The following PHF2 variants were observed in gnomAD, a reference collection of about 807,000 sequenced individuals.
PHF2 encodes PHD finger protein 2, also known as lysine-specific demethylase PHF2.
Under a neutral mutation model 120.5 loss-of-function variants are expected in PHF2, and 27 were observed. The ratio of observed to expected loss-of-function variants is 0.22; its 90% CI spans 0.17 to 0.31. The LOEUF (loss-of-function observed/expected upper bound fraction) is 0.31, where lower values mean the gene tolerates loss of function less well. Among genes scored for constraint, PHF2 ranks in the 10% least tolerant of loss-of-function variants. The pLI is 1.00. For missense variants in PHF2, 1,024 were observed against 1,434.8 expected (o/e 0.71, Z 4.63); for synonymous variants, 568 against 592.5 (o/e 0.96, Z 0.60).
Position 93,593,791 on chromosome 9 carries a change from A to T in PHF2, c.98+16920A>T, listed in dbSNP as rs569880308. The stretch of plus-strand genomic sequence containing the variant: ...TCTTTATGATGATATTAAATGAAAC[A>T]CTACACACATAATGTGATGGCTGGT... On this transcript the variant is annotated intron_variant, in intron 1 of 21. Coordinates refer to ENST00000359246, the MANE Select transcript of PHF2 (RefSeq NM_005392.4). 1.4e-4 allele frequency among the ~76,000 whole-genome samples: 21 copies of T among 152,330 alleles called. No homozygotes were observed. The East Asian group carries it at 4.1e-3, about 29-fold the overall frequency.
intron 1 of PHF2, among the ~76,000 whole-genome samples, chr9:93,585,763 T>G (rs1345778356): frequency 6.6e-6 from 1 of 152,218 alleles, no homozygotes; most frequent in African/African-American, 2.4e-5. Context: ...AGCTTTGTGA[T>G]TTTGTCCCTT....
chr9:93,592,615 C>A (rs1055743234), intron 1 of PHF2, among the ~76,000 whole-genome samples: 1 of 152,090 alleles, frequency 6.6e-6, no homozygotes, highest in South Asian at 2.1e-4. Flanking sequence ...GGCTCTTTCC[C>A]GAGCCAAAGC....
Position 93,576,666 on chromosome 9 carries a change from C to T in PHF2, c.-108C>T, listed in dbSNP as rs1174149558. ...CCGTCCCCTCCCGGCCGCGGCGCCGCCTGCGCCCCGCCGCCCCCGCCGCCC... is the reference window on the plus strand; with the variant it reads ...CCGTCCCCTCCCGGCCGCGGCGCCGTCTGCGCCCCGCCGCCCCCGCCGCCC... On this transcript the variant is annotated 5_prime_UTR_variant, in exon 1 of 22. Transcript: ENST00000359246. 1 of 182,740 alleles carries T rather than the reference C, an allele frequency of 5.5e-6. No individual in the cohort carries two copies. Among genetic ancestry groups the T allele is most frequent in the African/African-American group, 2.4e-5 (1 of 41,048 alleles). The allele number at this position is 182,740 out of a possible 1,614,324, so 11.3% of individuals were successfully genotyped here. A position where few individuals can be genotyped will look rare whatever the true frequency, so the allele number is the denominator to read the frequency against.
At chr9:93,640,936 C>T (rs948475739) in intron 3 of PHF2, among the ~76,000 whole-genome samples, 1 of 152,116 alleles carries the variant, frequency 6.6e-6, no homozygotes, top group African/African-American at 2.4e-5. Flanking sequence ...TTGTTTTTCT[C>T]CTGGTTTCTT....
At position 93,677,792 on chromosome 9, in the gene PHF2, G is replaced by A. The variant is rs965392691; in HGVS notation, c.*116G>A. 9.9e-6 allele frequency: 7 copies of A among 708,354 alleles called. No individual in the cohort carries two copies. Among genetic ancestry groups the A allele is most frequent in the Admixed American group, 5.2e-5 (2 of 38,132 alleles). The allele number at this position is 708,354 out of a possible 1,614,324, so 43.9% of individuals were successfully genotyped here. A position where few individuals can be genotyped will look rare whatever the true frequency, so the allele number is the denominator to read the frequency against. ...ACCAGGGAGGGCCTTGCCTCTTCCC[G>A]GCTGCCATCTCCCCAACAAGCGTCT... On this transcript the variant is annotated 3_prime_UTR_variant, in exon 22 of 22. Transcript: ENST00000359246. The surrounding 1 kb of genome is among the most constrained non-coding windows in gnomAD (Gnocchi z 4.4).
At chr9:93,668,759 C>A (rs1449724813) in intron 17 of PHF2, among the ~76,000 whole-genome samples, 1 of 152,216 alleles carries the variant, frequency 6.6e-6, no homozygotes, top group Non-Finnish European at 1.5e-5. Flanking sequence ...TTCCCCGCCC[C>A]GCACAACTAG....
intron 12 of PHF2, 129 bp from the exon 13 acceptor site, chr9:93,662,778 G>C: frequency 9.8e-7 from 1 of 1,021,898 alleles, no homozygotes; most frequent in Non-Finnish European, 1.5e-6. Flanking sequence ...ATGGATGCGT[G>C]GATGGGTAGA....
intron 1 of PHF2, among the ~76,000 whole-genome samples, chr9:93,617,189 C>G (rs927672344): frequency 5.3e-5 from 8 of 152,190 alleles, no homozygotes; most frequent in African/African-American, 1.9e-4. Flanking sequence ...TCCAGCTCCC[C>G]TGAAGGCAAC....
At position 93,630,006 on chromosome 9, in the gene PHF2, C is replaced by T. The variant is rs1193764625; in HGVS notation, c.135C>T (p.Ile45=). ...VGVEEEEAPD[I]DIYHCPNCEK... ...TGGAAGAGGAGGAGGCGCCCGACATCGACATATACCACTGCCCAAACTGTG... is the reference window on the plus strand; with the variant it reads ...TGGAAGAGGAGGAGGCGCCCGACATTGACATATACCACTGCCCAAACTGTG... Residue 45 remains isoleucine (I), a synonymous_variant, in exon 2 of 22, where the codon ATC becomes ATT. Transcript: ENST00000359246. 3.7e-6 allele frequency: 6 copies of T among 1,613,968 alleles called. No homozygotes were observed. The highest frequency in any genetic ancestry group is 4.2e-6 in the Non-Finnish European group (5 of 1,180,028).
intron 1 of PHF2, among the ~76,000 whole-genome samples, chr9:93,620,519 G>T (rs554215894): frequency 5.9e-5 from 9 of 152,256 alleles, no homozygotes; most frequent in Admixed American, 5.9e-4. Context: ...GGTGGCCCAC[G>T]ATGGGCTTCC....
intron 5 of PHF2, among the ~76,000 whole-genome samples, chr9:93,652,542 C>G (rs183883679): frequency 6.6e-6 from 1 of 152,156 alleles, no homozygotes; most frequent in Non-Finnish European, 1.5e-5. Context: ...CCGCCCACCT[C>G]GGCCTCCCAA....
At chr9:93,593,479 A>T (rs946917338) in intron 1 of PHF2, among the ~76,000 whole-genome samples, 1 of 152,244 alleles carries the variant, frequency 6.6e-6, no homozygotes, top group African/African-American at 2.4e-5. Flanking sequence ...ACATCTGCAT[A>T]CAATTGGTTT....
intron 17 of PHF2, chr9:93,672,706 GGGTATAGGAGTAGGTA>G (rs1826828836): frequency 2.1e-6 from 2 of 974,500 alleles, no homozygotes; most frequent in African/African-American, 1.9e-5. Flanking sequence ...ATGCAGGTAT[GGGTATAGGAGTAGGTA>G]CAGGTGTAGA....
chr9:93,587,102 G>T (rs1863059969), intron 1 of PHF2, among the ~76,000 whole-genome samples: 1 of 152,254 alleles, frequency 6.6e-6, no homozygotes, highest in Non-Finnish European at 1.5e-5. Context: ...TCAGAGTTCT[G>T]TGGGAGGCAT....
chr9:93,663,469 C>A (rs892260096), intron 13 of PHF2, 48 bp from the exon 14 acceptor site: 5 of 1,193,044 alleles, frequency 4.2e-6, no homozygotes, highest in Non-Finnish European at 6.1e-6. Context: ...GGTCCTGACC[C>A]CCCACTTCTG....
chr9:93,637,193 A>G (rs1433655580), intron 3 of PHF2, among the ~76,000 whole-genome samples: 2 of 151,872 alleles, frequency 1.3e-5, no homozygotes, highest in African/African-American at 2.4e-5. Context: ...TTAAATTCCA[A>G]CTCCCTTCTT....
chr9:93,649,058 A>G lies in PHF2; in HGVS notation c.461-13A>G. ...TTCCCAGGGTGCTCAAGCTCCTCCC[A>G]CCACCTCCCTAGGGCCGGAACGGAG... is the stretch of plus-strand genomic sequence containing the variant. On this transcript the variant is annotated splice_polypyrimidine_tract_variant and intron_variant, in intron 4 of 21. Transcript: ENST00000359246. 1 of 1,550,632 alleles carries G rather than the reference A, an allele frequency of 6.4e-7. No homozygotes were observed. Among genetic ancestry groups the G allele is most frequent in the Non-Finnish European group, 8.7e-7 (1 of 1,146,678 alleles).
At chr9:93,595,738 A>G (rs964921101) in intron 1 of PHF2, among the ~76,000 whole-genome samples, 1 of 152,236 alleles carries the variant, frequency 6.6e-6, no homozygotes, top group African/African-American at 2.4e-5. Context: ...TATGTGCGTA[A>G]CCAGAGATGC....
At chr9:93,624,594 C>T (rs1269391263) in intron 1 of PHF2, among the ~76,000 whole-genome samples, 5 of 128,640 alleles carry the variant, frequency 3.9e-5, no homozygotes, top group African/African-American at 1.5e-4. Context: ...TGACAACGGT[C>T]GTTGTGATGA....
Sources: gnomAD v4.1 joint callset for allele counts (sites outside exome capture counted in the v4.1 genomes callset) on GRCh38, gnomAD v4.1.1 for gene constraint, Gnocchi (gnomAD v3.1) non-coding constraint, MANE v1.5 for transcripts, NCBI Gene and HGNC (gene_info 2026-07-23, HGNC 2026-07-21) for gene names.